Variants in VBP1 observed in about 807,000 individuals in gnomAD.
VBP1 encodes the protein VHL binding protein 1.
In VBP1, 4 loss-of-function variants were observed where a neutral mutation model predicts 15.5. The observed-to-expected ratio is 0.26, with a 90% CI of 0.13 to 0.59. VBP1 has a LOEUF of 0.59. VBP1 is among the 20% of genes least tolerant of loss of function. The pLI, the probability that VBP1 is intolerant of heterozygous loss-of-function variation, is 0.90. For synonymous variants in VBP1, 61 were observed against 52.1 expected, an observed-to-expected ratio of 1.17 and a Z score of -0.74; for missense variants, 108 against 139.6, an observed-to-expected ratio of 0.77 and a Z score of 1.14.
At chrX:155,215,602 G>T (rs1387153599), upstream of VBP1, among the ~76,000 whole-genome samples, 5 of 112,422 alleles carry the variant, frequency 4.4e-5, no homozygotes, top group Non-Finnish European at 9.4e-5. Flanking sequence ...CGGTAACAGT[G>T]ATTGCCTCTG....
At chrX:155,226,338 CACTT>C (rs782516315) in intron 2 of VBP1, among the ~76,000 whole-genome samples, 7 of 111,795 alleles carry the variant, frequency 6.3e-5, no homozygotes, top group East Asian at 2.8e-4. Context: ...ATTTGGGAGT[CACTT>C]ACTAGCATTT....
At chrX:155,200,901 G>C (rs1343748597) in intron 1 of VBP1, among the ~76,000 whole-genome samples, 3 of 110,166 alleles carry the variant, frequency 2.7e-5, no homozygotes, top group Non-Finnish European at 5.7e-5. Context: ...GAATCAAATA[G>C]ATGCAATAAA....
chrX:155,201,409 A>G (rs1431306101), intron 1 of VBP1, among the ~76,000 whole-genome samples: 2 of 99,187 alleles, frequency 2.0e-5, no homozygotes, highest in Non-Finnish European at 4.1e-5. Flanking sequence ...AAGCTTATCC[A>G]CCATGATCAA....
intron 1 of VBP1, among the ~76,000 whole-genome samples, chrX:155,200,081 C>T (rs1206383116): frequency 3.1e-5 from 3 of 97,696 alleles, no homozygotes; most frequent in African/African-American, 1.1e-4. Context: ...TATATGCACC[C>T]AATACAGGAG....
intron 1 of VBP1, among the ~76,000 whole-genome samples, chrX:155,219,303 A>G (rs1046998033): frequency 1.8e-5 from 2 of 112,310 alleles, no homozygotes; most frequent in African/African-American, 3.2e-5. Flanking sequence ...ATATATTTTC[A>G]TCTTGTTTCT....
In VBP1 at chrX:155,228,459, G is replaced by A. The variant is rs1171284858; in HGVS notation, c.361G>A (p.Asp121Asn). 9 of 1,203,397 alleles carry A rather than the reference G, an allele frequency of 7.5e-6. No homozygotes were observed. Among genetic ancestry groups the A allele is most frequent in the East Asian group, 3.0e-5 (1 of 33,564 alleles). ...LYCKASVPPT[D>N]KVCLWLGANV... ...TTGCAAAGCTTCAGTTCCTCCTACC[G>A]ATAAAGTGTGTCTGTGGTTGGGGGT... The change falls in exon 4 of 6, where the codon GAT (aspartate) becomes AAT (asparagine). Residue 121 changes from aspartate (D) to asparagine (N), a missense_variant. Asp to Asn is a conservative substitution (Grantham distance 23). Coordinates refer to ENST00000286428, the MANE Select transcript of VBP1 (RefSeq NM_003372.7).
intron 4 of VBP1, among the ~76,000 whole-genome samples, chrX:155,232,134 T>C (rs1462965211): frequency 9.0e-6 from 1 of 111,572 alleles, no homozygotes; most frequent in East Asian, 2.8e-4. Context: ...TATCATCTTA[T>C]AGGTTTTTGT....
chrX:155,206,307 C>T (rs1441372195), intron 1 of VBP1, among the ~76,000 whole-genome samples: 2 of 109,454 alleles, frequency 1.8e-5, no homozygotes, highest in African/African-American at 6.7e-5. Flanking sequence ...AATCTCGACT[C>T]ACTGCAAGCT....
In VBP1 at chrX:155,228,404, G is replaced by T. The variant is rs902328863; in HGVS notation, c.306G>T (p.Glu102Asp). 3.3e-6 allele frequency: 4 copies of T among 1,207,128 alleles called. No homozygotes were observed. The highest frequency in any genetic ancestry group is 4.5e-6 in the Non-Finnish European group (4 of 893,299). Residue 102 changes from glutamate to aspartate, a missense_variant, in exon 4 of 6, where the codon GAG (glutamate) becomes GAT (aspartate). Transcript: ENST00000286428. ...QKKKESTNSM[E>D]TRFLLADNLY... ...TGAAGGAGTCCACCAACTCAATGGA[G>T]ACCAGATTCTTGCTGGCAGATAACC...
intron 1 of VBP1, among the ~76,000 whole-genome samples, chrX:155,200,453 A>C (rs1258012039): frequency 3.6e-5 from 4 of 111,088 alleles, no homozygotes; most frequent in Admixed American, 1.9e-4. Context: ...GGATTAAGAA[A>C]CTCACTCAAA....
At chrX:155,228,314 T>C in intron 3 of VBP1, 70 bp from the exon 4 acceptor site, 1 of 834,408 alleles carries the variant, frequency 1.2e-6, no homozygotes, top group Non-Finnish European at 1.7e-6. Flanking sequence ...AACTGTGCAA[T>C]CTCTCCTTTA....
At position 155,239,092 on chromosome X, in the gene VBP1, T is replaced by C. The variant is rs782011418; in HGVS notation, c.*250T>C. 1.6e-4 allele frequency: 39 copies of C among 251,013 alleles called. No homozygotes were observed. The highest frequency in any genetic ancestry group is 2.5e-4 in the Non-Finnish European group (36 of 144,148). 20.7% of individuals were successfully genotyped at this position (251,013 alleles called of 1,213,427 possible). ...TTTTTGCCTGTCATAAGAAAACTCT[T>C]AGCTGAAATGGCCGAAAACTGTGAG... is the stretch of plus-strand genomic sequence containing the variant. On this transcript the variant is annotated 3_prime_UTR_variant, in exon 6 of 6. Transcript: ENST00000286428.
At chrX:155,234,418 C>A (rs1170493118) in intron 4 of VBP1, among the ~76,000 whole-genome samples, 1 of 110,813 alleles carries the variant, frequency 9.0e-6, no homozygotes, top group East Asian at 2.8e-4. Context: ...CCGCGCCTGG[C>A]CCCCCTGTTT....
At position 155,239,170 on chromosome X, in the gene VBP1, T is replaced by C. The variant is rs2074788094; in HGVS notation, c.*328T>C. On this transcript the variant is annotated 3_prime_UTR_variant, in exon 6 of 6. Coordinates refer to ENST00000286428, the MANE Select transcript of VBP1 (RefSeq NM_003372.7). ...GCTAGCACAGTTTACTTTTTCCCTT[T>C]CTAATTGGCTGATGTTACTCTCACT... 6.4e-6 allele frequency: 1 copy of C among 157,257 alleles called. No homozygotes were observed. The highest frequency in any genetic ancestry group is 3.1e-5 in the African/African-American group (1 of 32,495). The allele number at this position is 157,257 out of a possible 1,213,427, so 13.0% of individuals were successfully genotyped here. A position where few individuals can be genotyped will look rare whatever the true frequency, so the allele number is the denominator to read the frequency against.
chrX:155,223,914 C>A (rs2074704701), intron 2 of VBP1, among the ~76,000 whole-genome samples: 1 of 109,933 alleles, frequency 9.1e-6, no homozygotes. Context: ...AGGGGCTCCT[C>A]ACCTCTCAGA....
chrX:155,235,748 A>G (rs1557311488), intron 4 of VBP1, among the ~76,000 whole-genome samples: 4 of 112,339 alleles, frequency 3.6e-5, no homozygotes, highest in Admixed American at 1.9e-4. Flanking sequence ...TTAAATTGAT[A>G]CAAACAACAC....
At chrX:155,205,016 T>C (rs1557307928) in intron 1 of VBP1, among the ~76,000 whole-genome samples, 2 of 112,439 alleles carry the variant, frequency 1.8e-5, no homozygotes, top group Non-Finnish European at 3.8e-5. Flanking sequence ...ATATCTGGAA[T>C]TTTTCTGATT....
chrX:155,210,993 C>T (rs782499085), intron 2 of VBP1, among the ~76,000 whole-genome samples: 12 of 112,123 alleles, frequency 1.1e-4, no homozygotes, highest in Non-Finnish European at 2.3e-4. Context: ...ACAGAGACTA[C>T]AATATGTGAA....
At chrX:155,213,960 C>T (rs782499781), upstream of VBP1, among the ~76,000 whole-genome samples, 45 of 111,953 alleles carry the variant, frequency 4.0e-4, no homozygotes, top group Non-Finnish European at 6.6e-4. Flanking sequence ...AGTATCCAGG[C>T]TACAGAAATT....
Sources: gnomAD v4.1 joint callset for allele counts (sites outside exome capture counted in the v4.1 genomes callset) on GRCh38, gnomAD v4.1.1 for gene constraint, MANE v1.5 for transcripts, NCBI Gene and HGNC (gene_info 2026-07-23, HGNC 2026-07-21) for gene names.